GABRB2: variants seen among roughly 807,000 people sequenced by gnomAD.
The protein encoded by GABRB2 is gamma-aminobutyric acid type A receptor subunit beta2.
In GABRB2, 16 loss-of-function variants were observed where a neutral mutation model predicts 54.7. The ratio of observed to expected loss-of-function variants is 0.29; its 90% CI spans 0.20 to 0.44. The LOEUF (loss-of-function observed/expected upper bound fraction) is 0.44. Ranked by LOEUF, GABRB2 falls within the 20% of genes least tolerant of loss-of-function variation. The probability of loss-of-function intolerance (pLI) is 1.00; values close to 1 mark genes in which losing one functional copy is unlikely to be tolerated. For synonymous variants in GABRB2, 244 were observed against 233.8 expected, an observed-to-expected ratio of 1.04 and a Z score of -0.40; for missense variants, 355 against 644.0, an observed-to-expected ratio of 0.55 and a Z score of 4.86.
At chr5:161,511,438 A>T (rs1308246062) in intron 3 of GABRB2, among the ~76,000 whole-genome samples, 1 of 152,058 alleles carries the variant, frequency 6.6e-6, no homozygotes, top group African/African-American at 2.4e-5. Flanking sequence ...GCTACTAGTT[A>T]AGACAAAACC....
intron 3 of GABRB2, among the ~76,000 whole-genome samples, chr5:161,538,328 G>A (rs1271301969): frequency 6.6e-6 from 1 of 152,260 alleles, no homozygotes; most frequent in South Asian, 2.1e-4. Context: ...ACATGATGGA[G>A]GAAGACAGAA....
At chr5:161,522,565 T>C (rs1760147859) in intron 3 of GABRB2, among the ~76,000 whole-genome samples, 1 of 151,716 alleles carries the variant, frequency 6.6e-6, no homozygotes. Flanking sequence ...TGGTTGCAAA[T>C]TTTAAAATAA....
chr5:161,464,330 T>C (rs145263680), intron 3 of GABRB2, among the ~76,000 whole-genome samples: 1 of 152,168 alleles, frequency 6.6e-6, no homozygotes, highest in African/African-American at 2.4e-5. Flanking sequence ...AATAAGTTTA[T>C]AAAATGATGC....
chr5:161,294,090 A>G lies in GABRB2; in HGVS notation c.1530T>C (p.Tyr510=), dbSNP rs200872771. 38 of 1,610,300 alleles carry G rather than the reference A, an allele frequency of 2.4e-5. 1 individual carries two copies. In the Admixed American group the frequency reaches 3.2e-4, roughly 13 times the overall value. ...AGTGGGAGGCCATGTTTTAGTTCAC[A>G]TAATAAAGCCAATAGACGATGTTGA... is the stretch of plus-strand genomic sequence containing the variant. The part of the protein sequence containing the change: ...SFFNIVYWLY[Y]VN Residue 510 remains tyrosine (Y), a synonymous_variant, in exon 10 of 10, where the codon TAT becomes TAC. Transcript: ENST00000393959.
chr5:161,410,587 T>C (rs1018976934), intron 5 of GABRB2, among the ~76,000 whole-genome samples: 27 of 152,076 alleles, frequency 1.8e-4, no homozygotes, highest in Non-Finnish European at 5.9e-5. Context: ...AGATAGAAAG[T>C]TTATGAGAGG....
At chr5:161,339,346 T>C (rs149011764) in intron 5 of GABRB2, among the ~76,000 whole-genome samples, 94 of 152,240 alleles carry the variant, frequency 6.2e-4, no homozygotes, top group African/African-American at 2.1e-3. Flanking sequence ...TGGTGGTATA[T>C]ACTAAGCACT....
chr5:161,326,292 A>G lies in GABRB2; in HGVS notation c.1191+76T>C, dbSNP rs903005126. The G allele has an allele frequency of 5.0e-6, 8 of 1,586,798 alleles. No individual in the cohort carries two copies. The Admixed American group carries it at 5.6e-5, about 11-fold the overall frequency. On this transcript the variant is annotated intron_variant, in intron 9 of 9. Transcript: ENST00000393959. ...TAGGTTATCTGCAAAGATCCCACAC[A>G]TTTTTTAAGGGAACAGCTAAACAAA...
chr5:161,494,533 G>A (rs1437507002), intron 3 of GABRB2, among the ~76,000 whole-genome samples: 1 of 110,418 alleles, frequency 9.1e-6, no homozygotes, highest in African/African-American at 3.1e-5. Flanking sequence ...TTACTGTTAG[G>A]TATGCGTGTG....
intron 3 of GABRB2, among the ~76,000 whole-genome samples, chr5:161,509,187 G>C (rs1224241350): frequency 6.6e-6 from 1 of 151,924 alleles, no homozygotes; most frequent in Non-Finnish European, 1.5e-5. Flanking sequence ...AACCAGTACA[G>C]AATTATGTAC....
At chr5:161,310,728 A>C (rs529838683) in intron 9 of GABRB2, among the ~76,000 whole-genome samples, 19 of 152,342 alleles carry the variant, frequency 1.2e-4, no homozygotes, top group Admixed American at 4.6e-4. Flanking sequence ...TCAAAAAATA[A>C]AAAACTTCAA....
chr5:161,542,416 C>T (rs1488249010), intron 3 of GABRB2, among the ~76,000 whole-genome samples: 1 of 152,128 alleles, frequency 6.6e-6, no homozygotes, highest in African/African-American at 2.4e-5. Flanking sequence ...CAAGGTATAT[C>T]TATATTCTGG....
At chr5:161,382,608 C>T (rs1296186239) in intron 5 of GABRB2, among the ~76,000 whole-genome samples, 6 of 152,054 alleles carry the variant, frequency 3.9e-5, no homozygotes, top group Non-Finnish European at 5.9e-5. Context: ...TATATTTTAC[C>T]CTGGGCCTTC....
At chr5:161,522,971 A>T (rs73797405) in intron 3 of GABRB2, among the ~76,000 whole-genome samples, 2,647 of 151,492 alleles carry the variant, frequency 0.017, 87 homozygotes, top group African/African-American at 0.061. Context: ...TTATTAATAG[A>T]TATAATTTAT....
intron 9 of GABRB2, among the ~76,000 whole-genome samples, chr5:161,321,089 T>A (rs536635376): frequency 1.3e-5 from 2 of 152,136 alleles, no homozygotes; most frequent in Admixed American, 1.3e-4. Flanking sequence ...TCAGGTAGAA[T>A]CTACTTTTAA....
intron 3 of GABRB2, among the ~76,000 whole-genome samples, chr5:161,484,313 CA>C (rs760033234): frequency 9.9e-5 from 15 of 151,970 alleles, no homozygotes; most frequent in Non-Finnish European, 2.1e-4. Flanking sequence ...AAGAAGTCAT[CA>C]ACTTGTGTTC....
At position 161,291,520 on chromosome 5, in the gene GABRB2, G is replaced by A. The variant is rs912223718; in HGVS notation, c.*2561C>T. 2 of 152,278 alleles carry A rather than the reference G, an allele frequency of 1.3e-5. No individual in the cohort carries two copies. The highest frequency in any genetic ancestry group is 1.3e-4 in the Admixed American group (2 of 15,248). The allele number at this position is 152,278 out of a possible 1,614,324, so 9.4% of individuals were successfully genotyped here. A position where few individuals can be genotyped will look rare whatever the true frequency, so the allele number is the denominator to read the frequency against. ...GTTTCTATCTCTGTGGTTACTGAGT[G>A]CCAATGTATGCTTTTTACTCTAGGG... On this transcript the variant is annotated 3_prime_UTR_variant, in exon 10 of 10. Transcript: ENST00000393959.
intron 5 of GABRB2, 151 bp from the exon 6 acceptor site, chr5:161,336,920 C>G (rs370812678): frequency 9.0e-5 from 74 of 818,098 alleles, no homozygotes; most frequent in African/African-American, 7.6e-4. Context: ...TGGTATCATA[C>G]TAAACATTTC....
chr5:161,547,614 C>A (rs1008922887), upstream of GABRB2, among the ~76,000 whole-genome samples: 1 of 152,076 alleles, frequency 6.6e-6, no homozygotes, highest in Non-Finnish European at 1.5e-5. Flanking sequence ...TGCTGTCTCT[C>A]CAGGTTTCGG....
chr5:161,450,919 G>C (rs1209361434), intron 4 of GABRB2, among the ~76,000 whole-genome samples: 2 of 151,936 alleles, frequency 1.3e-5, no homozygotes, highest in Non-Finnish European at 2.9e-5. Context: ...TTAGAGAATA[G>C]GTTCTCACAT....
Sources: gnomAD v4.1 joint callset for allele counts (sites outside exome capture counted in the v4.1 genomes callset) on GRCh38, gnomAD v4.1.1 for gene constraint, MANE v1.5 for transcripts, NCBI Gene and HGNC (gene_info 2026-07-23, HGNC 2026-07-21) for gene names.